KIF5C: variants seen among roughly 807,000 people sequenced by gnomAD.
KIF5C encodes the protein kinesin heavy chain isoform 5C.
A neutral mutation model predicts 125.2 loss-of-function variants in KIF5C; 18 were observed. The ratio of observed to expected loss-of-function variants is 0.14; its 90% confidence interval spans 0.10 to 0.21. The LOEUF (loss-of-function observed/expected upper bound fraction) is 0.21, where lower values mean the gene tolerates loss of function less well. Ranked by LOEUF, KIF5C falls within the 10% of genes least tolerant of loss-of-function variation. The pLI is 1.00. For missense variants in KIF5C, 780 were observed against 1,183.8 expected, an observed-to-expected ratio of 0.66 and a Z score of 5.01; for synonymous variants, 405 against 434.0, an observed-to-expected ratio of 0.93 and a Z score of 0.83.
intron 10 of KIF5C, among the ~76,000 whole-genome samples, chr2:148,958,730 C>T (rs914004277): frequency 1.3e-5 from 2 of 151,862 alleles, no homozygotes; most frequent in Non-Finnish European, 2.9e-5. Context: ...GCCTGCAATC[C>T]CAGCACTTTG....
intron 10 of KIF5C, among the ~76,000 whole-genome samples, chr2:148,953,168 C>T (rs1682709391): frequency 6.6e-6 from 1 of 152,228 alleles, no homozygotes; most frequent in South Asian, 2.1e-4. Context: ...ACATTAGTTT[C>T]TCATCAACCA....
chr2:148,973,292 C>T (rs1430349988), intron 11 of KIF5C, 44 bp from the exon 12 acceptor site: 1 of 1,576,288 alleles, frequency 6.3e-7, no homozygotes. Context: ...GGGTTGCATA[C>T]TCAATTTCTT....
intron 16 of KIF5C, among the ~76,000 whole-genome samples, chr2:148,993,000 G>T (rs939484614): frequency 6.6e-6 from 1 of 152,150 alleles, no homozygotes; most frequent in African/African-American, 2.4e-5. Context: ...CCAGCTCCAT[G>T]TCCAACTCCC....
intron 13 of KIF5C, among the ~76,000 whole-genome samples, chr2:148,979,431 C>A (rs1189627668): frequency 6.6e-6 from 1 of 152,172 alleles, no homozygotes; most frequent in African/African-American, 2.4e-5. Flanking sequence ...AATGTGCCAC[C>A]ATACCTAGCT....
rs6747871 is a variant in KIF5C at position 149,010,366 on chromosome 2, A to C, written c.2767+15A>C. 0.015 allele frequency: 22,501 copies of C among 1,535,098 alleles called. 858 individuals carry two copies. Among genetic ancestry groups the C allele is most frequent in the African/African-American group, 0.14 (9,877 of 72,348 alleles). On this transcript the variant is annotated intron_variant, in intron 24 of 25. Coordinates refer to ENST00000435030, the MANE Select transcript of KIF5C (RefSeq NM_004522.3). ...AGCCCAGATCGGTACGTGCGTGCAC[A>C]GTGGCGCCCGGGGTTTGAGAAGCTA...
intron 1 of KIF5C, among the ~76,000 whole-genome samples, chr2:148,881,717 C>CACAGGTTTCCCACCTGTG (rs1681361329): frequency 6.6e-6 from 1 of 151,480 alleles, no homozygotes; most frequent in African/African-American, 2.4e-5. Flanking sequence ...TAGTCCTTAC[C>CACAGGTTTCCCACCTGTG]TCTAAATCAT....
chr2:148,942,781 T>A, intron 7 of KIF5C, 21 bp downstream of exon 7: 1 of 1,599,214 alleles, frequency 6.3e-7, no homozygotes, highest in Non-Finnish European at 8.5e-7. Context: ...TGGGGGTGTT[T>A]CCTCCCCTGC....
At chr2:148,935,548 T>C (rs190249958) in intron 3 of KIF5C, among the ~76,000 whole-genome samples, 1 of 152,334 alleles carries the variant, frequency 6.6e-6, no homozygotes, top group East Asian at 1.9e-4. Context: ...GTCTAATTTG[T>C]TACACATTTA....
At chr2:148,926,476 G>T (rs1681999641) in intron 2 of KIF5C, among the ~76,000 whole-genome samples, 1 of 152,362 alleles carries the variant, frequency 6.6e-6, no homozygotes, top group East Asian at 1.9e-4. Context: ...CGTGGGCCCA[G>T]GAGCGGGCAC....
chr2:148,912,578 A>G (rs1473214812), intron 1 of KIF5C, among the ~76,000 whole-genome samples: 1 of 152,200 alleles, frequency 6.6e-6, no homozygotes, highest in Non-Finnish European at 1.5e-5. Flanking sequence ...CTGACTAGCT[A>G]GGACTAACAG....
intron 11 of KIF5C, among the ~76,000 whole-genome samples, chr2:148,969,914 G>C (rs1680854919): frequency 6.6e-6 from 1 of 152,196 alleles, no homozygotes; most frequent in African/African-American, 2.4e-5. Flanking sequence ...GTCCTTTGAA[G>C]AGTAGTGGTG....
intron 25 of KIF5C, among the ~76,000 whole-genome samples, chr2:149,015,828 T>G (rs1166605577): frequency 6.6e-6 from 1 of 152,218 alleles, no homozygotes; most frequent in Non-Finnish European, 1.5e-5. Flanking sequence ...ATTGAGAGCC[T>G]AGCTCTGTAC....
rs1466617221 is a variant in KIF5C at position 148,946,924 on chromosome 2, T to C, written c.615T>C (p.Ser205=). The change falls in exon 8 of 26, where the codon AGT becomes AGC. Residue 205 remains serine (S), a synonymous_variant. Transcript: ENST00000435030. The stretch of plus-strand genomic sequence containing the variant: ...ACATGAATGAACACAGCTCTAGAAG[T>C]CACAGTATCTTCCTGATAAATATTA... The part of the protein sequence containing the change: ...VTNMNEHSSR[S]HSIFLINIKQ... 1 of 1,613,330 alleles carries C rather than the reference T, an allele frequency of 6.2e-7. No homozygotes were observed.
At chr2:149,000,943 T>C (rs1196488198) in intron 21 of KIF5C, among the ~76,000 whole-genome samples, 161 bp downstream of exon 21, 3 of 152,214 alleles carry the variant, frequency 2.0e-5, no homozygotes, top group African/African-American at 7.2e-5. Context: ...AGTCCTCAAC[T>C]TTTCACAGAA....
intron 1 of KIF5C, among the ~76,000 whole-genome samples, chr2:148,907,849 G>A (rs887184715): frequency 2.6e-5 from 4 of 152,162 alleles, no homozygotes; most frequent in African/African-American, 7.2e-5. Context: ...TTAGCGACCC[G>A]GGACATACCC....
intron 25 of KIF5C, among the ~76,000 whole-genome samples, chr2:149,015,187 A>G (rs1682325971): frequency 6.6e-6 from 1 of 152,196 alleles, no homozygotes; most frequent in Non-Finnish European, 1.5e-5. Context: ...GAGCCTATCT[A>G]AAAAACATAT....
At chr2:148,897,365 T>C (rs929500957) in intron 1 of KIF5C, among the ~76,000 whole-genome samples, 2 of 151,968 alleles carry the variant, frequency 1.3e-5, no homozygotes, top group South Asian at 2.1e-4. Flanking sequence ...TTGGGAGTTA[T>C]TATAGCTTCC....
At chr2:148,987,175 T>C (rs1379693829) in intron 15 of KIF5C, among the ~76,000 whole-genome samples, 1 of 152,218 alleles carries the variant, frequency 6.6e-6, no homozygotes, top group Non-Finnish European at 1.5e-5. Flanking sequence ...AATAAACTTA[T>C]TCAACAGGTT....
At chr2:149,003,312 C>T (rs572849112) in intron 21 of KIF5C, among the ~76,000 whole-genome samples, 21 of 152,346 alleles carry the variant, frequency 1.4e-4, no homozygotes, top group African/African-American at 5.1e-4. Flanking sequence ...GAGCATGGAG[C>T]CTGCTGGCCA....
Sources: gnomAD v4.1 joint callset for allele counts (sites outside exome capture counted in the v4.1 genomes callset) on GRCh38, gnomAD v4.1.1 for gene constraint, MANE v1.5 for transcripts, NCBI Gene and HGNC (gene_info 2026-07-23, HGNC 2026-07-21) for gene names.